Variants in IQCB1 observed in about 807,000 individuals in gnomAD.
IQCB1 encodes the protein IQ calmodulin-binding motif-containing protein 1.
Under a neutral mutation model 84.4 loss-of-function variants are expected in IQCB1, and 56 were observed. That is an observed-to-expected ratio of 0.66 (90% CI 0.54 to 0.83). The LOEUF is 0.83. IQCB1 is among the 40% of genes least tolerant of loss of function. IQCB1 has a pLI of 0.00. For synonymous variants in IQCB1, 210 were observed against 234.8 expected (o/e 0.89, Z 0.96); for missense variants, 629 against 682.1 (o/e 0.92, Z 0.87).
At position 121,781,820 on chromosome 3, in the gene IQCB1, G is replaced by A. The variant is rs867772426; in HGVS notation, c.1333C>T (p.Arg445Ter). Residue 445 changes from arginine (R) to a stop codon, truncating the protein, a stop_gained, in exon 13 of 15, where the codon CGA becomes TGA. Coordinates refer to ENST00000310864, the MANE Select transcript of IQCB1 (RefSeq NM_001023570.4). LOFTEE classifies it high-confidence loss of function. ...RKKKKLFAPW[R>*]GLQELTDARR... The stretch of plus-strand genomic sequence containing the variant: ...GCATCAGTGAGTTCTTGGAGTCCTC[G>A]CCAAGGAGCAAATAGTTTCTTTTTC... The A allele has an allele frequency of 6.2e-6, 10 of 1,613,492 alleles. No homozygotes were observed. The highest frequency in any genetic ancestry group is 2.2e-5 in the East Asian group (1 of 44,864).
At chr3:121,790,578 C>T (rs1333904176) in intron 10 of IQCB1, among the ~76,000 whole-genome samples, 3 of 152,106 alleles carry the variant, frequency 2.0e-5, no homozygotes, top group African/African-American at 7.2e-5. Context: ...TGAAAACAAA[C>T]TTTGTCTCAC....
chr3:121,794,534 T>C (rs150588926), intron 10 of IQCB1, among the ~76,000 whole-genome samples: 2,305 of 152,248 alleles, frequency 0.015, 62 homozygotes, highest in African/African-American at 0.052. Context: ...ATTTGATATA[T>C]ATTTAAAAAT....
chr3:121,797,181 AC>A lies in IQCB1; in HGVS notation c.812del (p.Ser271IlefsTer11), dbSNP rs748559081. 1 of 1,610,652 alleles carries A rather than the reference AC, an allele frequency of 6.2e-7. No homozygotes were observed. The highest frequency in any genetic ancestry group is 8.5e-7 in the Non-Finnish European group (1 of 1,177,968). On this transcript the variant is annotated frameshift_variant, in exon 9 of 15. Transcript: ENST00000310864. LOFTEE classifies it high-confidence loss of function. ...GGCCAACAAGCTGTCTAAGTTCTTG[AC>A]TGAATTCAGTCCCAGTTTCCTGTTT... ...LSKQETGTEF[S>X]QELRQLVGLL...
intron 12 of IQCB1, among the ~76,000 whole-genome samples, chr3:121,782,418 CAA>C (rs1460269726): frequency 6.6e-6 from 1 of 152,206 alleles, no homozygotes; most frequent in Non-Finnish European, 1.5e-5. Flanking sequence ...TTATTTTCAT[CAA>C]AGTTACATGT....
chr3:121,775,376 A>C (rs1477451720), intron 13 of IQCB1, among the ~76,000 whole-genome samples: 1 of 152,262 alleles, frequency 6.6e-6, no homozygotes, highest in Non-Finnish European at 1.5e-5. Flanking sequence ...ATACAAGAAC[A>C]GAAAACCAAA....
At chr3:121,805,953 CT>C (rs1342851177) in intron 7 of IQCB1, among the ~76,000 whole-genome samples, 4 of 152,086 alleles carry the variant, frequency 2.6e-5, no homozygotes, top group Non-Finnish European at 5.9e-5. Context: ...TGGGATGCCT[CT>C]CCCTATACTT....
rs529467571 is a variant in IQCB1 at position 121,828,702 on chromosome 3, T to C, written c.101-70A>G. On this transcript the variant is annotated intron_variant, in intron 3 of 14. Transcript: ENST00000310864. ...TCCAGGAGCTATTTGTATTTTTATA[T>C]GTTGAATAATCACTAAAAATATATT... 1.3e-5 allele frequency: 15 copies of C among 1,152,704 alleles called. No individual in the cohort carries two copies. In the Admixed American group the frequency reaches 1.4e-4, roughly 11 times the overall value. The allele number at this position is 1,152,704 out of a possible 1,614,324, so 71.4% of individuals were successfully genotyped here. A position where few individuals can be genotyped will look rare whatever the true frequency, so the allele number is the denominator to read the frequency against.
Position 121,769,924 on chromosome 3 carries a change from C to T in IQCB1, c.*421G>A. 5.8e-6 allele frequency: 1 copy of T among 173,390 alleles called. No individual in the cohort carries two copies. Among genetic ancestry groups the T allele is most frequent in the South Asian group, 1.3e-4 (1 of 7,676 alleles). 10.7% of individuals were successfully genotyped at this position (173,390 alleles called of 1,614,324 possible). A position where few individuals can be genotyped will look rare whatever the true frequency, so the allele number is the denominator to read the frequency against. The stretch of plus-strand genomic sequence containing the variant: ...TCCTCACATTAATAAAGTCTGCACA[C>T]ACCTCCTATGTTAACAGGAAATAGG... On this transcript the variant is annotated 3_prime_UTR_variant, in exon 15 of 15. Coordinates refer to ENST00000310864, the MANE Select transcript of IQCB1 (RefSeq NM_001023570.4).
chr3:121,820,145 T>C (rs1950222342), intron 5 of IQCB1, among the ~76,000 whole-genome samples: 1 of 152,198 alleles, frequency 6.6e-6, no homozygotes, highest in African/African-American at 2.4e-5. Context: ...CAAAGGTACA[T>C]TTCAATTGCT....
rs1419491731 is a variant in IQCB1 at position 121,807,345 on chromosome 3, T to A, written c.586A>T (p.Ser196Cys). 6.9e-7 allele frequency: 1 copy of A among 1,444,678 alleles called. No homozygotes were observed. The highest frequency in any genetic ancestry group is 1.7e-5 in the Admixed American group (1 of 59,618). The allele number at this position is 1,444,678 out of a possible 1,614,324, so 89.5% of individuals were successfully genotyped here. A position where few individuals can be genotyped will look rare whatever the true frequency, so the allele number is the denominator to read the frequency against. ...MMLQNILQIN[S>C]GDLLRIGRKA... ...AACATTTTGTAAAAACCAAGTCACC[T>A]GTTGATCTGTAGTATATTCTGTAGC... Residue 196 changes from serine to cysteine, a missense_variant and splice_region_variant, in exon 7 of 15, where the codon AGT becomes TGT. Ser to Cys is a moderately radical substitution (Grantham distance 112). Coordinates refer to ENST00000310864, the MANE Select transcript of IQCB1 (RefSeq NM_001023570.4).
At chr3:121,773,319 A>G (rs374431850) in intron 13 of IQCB1, among the ~76,000 whole-genome samples, 48 of 121,906 alleles carry the variant, frequency 3.9e-4, no homozygotes, top group South Asian at 8.7e-4. Flanking sequence ...GCCTTAAAAA[A>G]AAAAAAAAAA....
At chr3:121,831,216 A>G (rs1025502704) in intron 2 of IQCB1, among the ~76,000 whole-genome samples, 7 of 134,752 alleles carry the variant, frequency 5.2e-5, no homozygotes, top group African/African-American at 2.0e-4. Flanking sequence ...CCTGTTGCCC[A>G]GGCTGGAGGA....
chr3:121,778,228 G>T (rs1204216287), intron 13 of IQCB1, among the ~76,000 whole-genome samples: 2 of 152,086 alleles, frequency 1.3e-5, no homozygotes, highest in African/African-American at 2.4e-5. Context: ...TTTTAATGGG[G>T]TTGTCTTTTT....
chr3:121,822,868 G>A (rs1292232760), intron 5 of IQCB1, among the ~76,000 whole-genome samples: 1 of 152,160 alleles, frequency 6.6e-6, no homozygotes, highest in Admixed American at 6.5e-5. Flanking sequence ...TTTCTACAAT[G>A]TGTCATTCAC....
Position 121,818,688 on chromosome 3 carries a change from TAA to T in IQCB1, c.393+7361_393+7362del, listed in dbSNP as rs1260215758. 2.0e-5 allele frequency among the ~76,000 whole-genome samples: 3 copies of T among 152,290 alleles called. No individual in the cohort carries two copies. The East Asian group carries it at 5.8e-4, about 29-fold the overall frequency. On this transcript the variant is annotated intron_variant, in intron 5 of 14. Coordinates refer to ENST00000310864, the MANE Select transcript of IQCB1 (RefSeq NM_001023570.4). ...TTACCAAAAAAACCTGAACAGATTT[TAA>T]AAGAGAGATTATAATATCTATATGT...
chr3:121,813,882 A>G (rs1044839981), intron 5 of IQCB1, among the ~76,000 whole-genome samples: 1 of 152,224 alleles, frequency 6.6e-6, no homozygotes, highest in African/African-American at 2.4e-5. Context: ...AAAATTAACA[A>G]GGATATTCAG....
Position 121,835,005 on chromosome 3 carries a change from GCTCCC to G in IQCB1, c.-146_-142del. On this transcript the variant is annotated 5_prime_UTR_variant, in exon 1 of 15. Transcript: ENST00000310864. ...GCGTTCTTCCACTAAAGAACCTGGG[GCTCCC>G]ACGCCGCACTACAGCGCCGCGGCCT... 3.8e-6 allele frequency: 2 copies of G among 519,596 alleles called. No homozygotes were observed. Among genetic ancestry groups the G allele is most frequent in the Non-Finnish European group, 3.5e-6 (1 of 288,412 alleles). The allele number at this position is 519,596 out of a possible 1,614,324, so 32.2% of individuals were successfully genotyped here. A position where few individuals can be genotyped will look rare whatever the true frequency, so the allele number is the denominator to read the frequency against.
chr3:121,772,586 T>C lies in IQCB1; in HGVS notation c.1538A>G (p.Gln513Arg). The C allele has an allele frequency of 6.2e-7, 1 of 1,614,268 alleles. No homozygotes were observed. Among genetic ancestry groups the C allele is most frequent in the Non-Finnish European group, 8.5e-7 (1 of 1,180,044 alleles). Residue 513 changes from glutamine (Q) to arginine (R), a missense_variant, in exon 14 of 15, where the codon CAG becomes CGG. Gln to Arg is a conservative substitution (Grantham distance 43, BLOSUM62 1). Coordinates refer to ENST00000310864, the MANE Select transcript of IQCB1 (RefSeq NM_001023570.4). ...AQQHREALIA[Q>R]ISTNVEQLMK... is the part of the protein sequence containing the mutation. ...TAGCTGTTCAACGTTGGTGCTGATCTGTGCTATCAGAGCTTCTCTGTGCTG... is the reference window on the plus strand; with the variant it reads ...TAGCTGTTCAACGTTGGTGCTGATCCGTGCTATCAGAGCTTCTCTGTGCTG...
chr3:121,825,934 G>A, intron 5 of IQCB1, 117 bp downstream of exon 5: 1 of 999,222 alleles, frequency 1.0e-6, no homozygotes, highest in South Asian at 1.5e-5. Flanking sequence ...CTTTGAAAAT[G>A]TTTAAATTCA....
Sources: gnomAD v4.1 joint callset for allele counts (sites outside exome capture counted in the v4.1 genomes callset) on GRCh38, gnomAD v4.1.1 for gene constraint, MANE v1.5 for transcripts, NCBI Gene and HGNC (gene_info 2026-07-23, HGNC 2026-07-21) for gene names.